The following MAGI2 variants were observed in gnomAD, a reference collection of about 807,000 sequenced individuals.
MAGI2 encodes the protein membrane associated guanylate kinase, WW and PDZ domain containing 2, also known as membrane-associated guanylate kinase, WW and PDZ domain-containing protein 2.
A neutral mutation model predicts 133.3 loss-of-function variants in MAGI2; 35 were observed. That is an observed-to-expected ratio of 0.26 (90% CI 0.20 to 0.35). MAGI2 has a LOEUF of 0.35. Among genes scored for constraint, MAGI2 ranks in the 10% least tolerant of loss-of-function variants. MAGI2 has a pLI of 1.00. For synonymous variants in MAGI2, 729 were observed against 710.6 expected (o/e 1.03, Z -0.41); for missense variants, 1,636 against 1,863.4 (o/e 0.88, Z 2.25).
intron 9 of MAGI2, among the ~76,000 whole-genome samples, chr7:78,311,181 C>T (rs558351155): frequency 6.6e-6 from 1 of 152,202 alleles, no homozygotes; most frequent in Admixed American, 6.5e-5. Context: ...TGAGCTCCTT[C>T]AGGAAATAAA....
intron 2 of MAGI2, among the ~76,000 whole-genome samples, chr7:78,760,230 T>G (rs1824359365): frequency 6.6e-6 from 1 of 152,230 alleles, no homozygotes; most frequent in Non-Finnish European, 1.5e-5. Flanking sequence ...TATAATATTT[T>G]TAAGGCTACA....
intron 6 of MAGI2, among the ~76,000 whole-genome samples, chr7:78,455,342 T>A (rs987140377): frequency 6.6e-6 from 1 of 152,150 alleles, no homozygotes; most frequent in African/African-American, 2.4e-5. Flanking sequence ...ATTGGGTAAT[T>A]AAGAAATATT....
intron 7 of MAGI2, among the ~76,000 whole-genome samples, chr7:78,357,746 C>T (rs1792238151): frequency 6.6e-6 from 1 of 150,986 alleles, no homozygotes; most frequent in Non-Finnish European, 1.5e-5. Flanking sequence ...AACAAAGAGC[C>T]TTTTTTTTTC....
intron 2 of MAGI2, among the ~76,000 whole-genome samples, chr7:78,858,080 T>C (rs1426315370): frequency 2.0e-5 from 3 of 152,206 alleles, no homozygotes; most frequent in Non-Finnish European, 4.4e-5. Flanking sequence ...TTTGTATTTC[T>C]TTGGATCAGT....
At chr7:79,390,461 C>T (rs993966356) in intron 1 of MAGI2, among the ~76,000 whole-genome samples, 15 of 152,088 alleles carry the variant, frequency 9.9e-5, no homozygotes, top group African/African-American at 3.6e-4. Context: ...AGAAATAGAG[C>T]AGCAATCCTA....
intron 2 of MAGI2, among the ~76,000 whole-genome samples, chr7:78,650,602 G>A (rs1245065746): frequency 6.6e-6 from 1 of 152,194 alleles, no homozygotes; most frequent in Non-Finnish European, 1.5e-5. Context: ...ACAGGGGCAT[G>A]TATAGACAGA....
chr7:78,181,038 T>A (rs1192282587), intron 13 of MAGI2, among the ~76,000 whole-genome samples: 1 of 151,732 alleles, frequency 6.6e-6, no homozygotes, highest in Non-Finnish European at 1.5e-5. Flanking sequence ...ACTAAAATTA[T>A]ATGTACAAAG....
At chr7:79,115,002 T>C (rs1819267853) in intron 1 of MAGI2, among the ~76,000 whole-genome samples, 1 of 152,218 alleles carries the variant, frequency 6.6e-6, no homozygotes, top group Non-Finnish European at 1.5e-5. Flanking sequence ...ATGACTTTCA[T>C]CAAAGCACTT....
intron 1 of MAGI2, among the ~76,000 whole-genome samples, chr7:79,429,429 A>T (rs956028809): frequency 1.3e-5 from 2 of 151,924 alleles, no homozygotes; most frequent in Admixed American, 6.6e-5. Context: ...CAGCCTCCCA[A>T]GTAGCTGGGA....
At chr7:78,962,143 T>C (rs112305146) in intron 2 of MAGI2, among the ~76,000 whole-genome samples, 8,367 of 152,158 alleles carry the variant, frequency 0.055, 266 homozygotes, top group Non-Finnish European at 0.079. Flanking sequence ...AGAATGATCT[T>C]CCTCATTCCA....
intron 2 of MAGI2, among the ~76,000 whole-genome samples, chr7:78,948,030 G>C (rs185058456): frequency 6.6e-6 from 1 of 151,988 alleles, no homozygotes; most frequent in African/African-American, 2.4e-5. Flanking sequence ...AGTTAAAATG[G>C]GACGTTGAAG....
chr7:79,225,831 T>G (rs2129553772), intron 1 of MAGI2, among the ~76,000 whole-genome samples: 1 of 152,338 alleles, frequency 6.6e-6, no homozygotes, highest in Non-Finnish European at 1.5e-5. Context: ...TATTCTAAAC[T>G]GCTGACCCTA....
chr7:78,604,335 A>G (rs758518552), intron 3 of MAGI2, among the ~76,000 whole-genome samples: 14 of 152,166 alleles, frequency 9.2e-5, no homozygotes, highest in Admixed American at 6.5e-4. Context: ...GCATTTGAAG[A>G]GATGATGCTC....
chr7:79,260,351 C>T (rs949952463), intron 1 of MAGI2, among the ~76,000 whole-genome samples: 12 of 150,382 alleles, frequency 8.0e-5, no homozygotes, highest in Non-Finnish European at 1.5e-4. Context: ...GTGAGACCCC[C>T]ATCTCTAAGT....
chr7:78,976,184 ATAT>A lies in MAGI2; in HGVS notation c.418+30903_418+30905del, dbSNP rs1804232826. 2.6e-5 allele frequency among the ~76,000 whole-genome samples: 4 copies of A among 151,626 alleles called. No homozygotes were observed. In the South Asian group the frequency reaches 8.3e-4, roughly 31 times the overall value. On this transcript the variant is annotated intron_variant, in intron 2 of 21. Coordinates refer to ENST00000354212, the MANE Select transcript of MAGI2 (RefSeq NM_012301.4). Reference sequence around the variant, plus strand: ...CATAGATGAAAATATCATCAACAAAATATTATCAAGCCACATCAAAAATGTATA... The same window carrying A: ...CATAGATGAAAATATCATCAACAAAATATCAAGCCACATCAAAAATGTATA...
chr7:79,228,891 A>G (rs769448290), intron 1 of MAGI2, among the ~76,000 whole-genome samples: 9 of 152,084 alleles, frequency 5.9e-5, no homozygotes, highest in Non-Finnish European at 8.8e-5. Flanking sequence ...GAGTAGGGGC[A>G]ATGGTTTGGT....
intron 20 of MAGI2, among the ~76,000 whole-genome samples, chr7:78,102,198 G>A (rs889574338): frequency 2.6e-5 from 4 of 152,166 alleles, no homozygotes; most frequent in Non-Finnish European, 5.9e-5. Context: ...TCAGGGGCTG[G>A]GGGTTGGGGA....
At chr7:79,432,698 A>T (rs1847856525) in intron 1 of MAGI2, among the ~76,000 whole-genome samples, 1 of 152,230 alleles carries the variant, frequency 6.6e-6, no homozygotes, top group Non-Finnish European at 1.5e-5. Context: ...GGTATAATGC[A>T]GTGGGAAGGA....
At chr7:78,489,660 T>A in intron 6 of MAGI2, 101 bp downstream of exon 6, 1 of 847,840 alleles carries the variant, frequency 1.2e-6, no homozygotes. Flanking sequence ...GTTAAAATTG[T>A]TTCAGCTAGA....
Sources: gnomAD v4.1 joint callset for allele counts (sites outside exome capture counted in the v4.1 genomes callset) on GRCh38, gnomAD v4.1.1 for gene constraint, MANE v1.5 for transcripts, NCBI Gene and HGNC (gene_info 2026-07-23, HGNC 2026-07-21) for gene names.